PDXDC1: variants seen among roughly 807,000 people sequenced by gnomAD.
The protein encoded by PDXDC1 is pyridoxal dependent decarboxylase domain containing 1.
In PDXDC1, 42 loss-of-function variants were observed where a neutral mutation model predicts 100.1. The observed-to-expected ratio is 0.42, with a 90% CI of 0.33 to 0.54. The LOEUF (loss-of-function observed/expected upper bound fraction) is 0.54. PDXDC1 is among the 20% of genes least tolerant of loss of function. The pLI, the probability that PDXDC1 is intolerant of heterozygous loss-of-function variation, is 0.10. For synonymous variants in PDXDC1, 260 were observed against 371.7 expected (o/e 0.70, Z 3.46); for missense variants, 636 against 979.2 (o/e 0.65, Z 4.68).
intron 16 of PDXDC1, among the ~76,000 whole-genome samples, chr16:15,132,526 G>C (rs1190990333): frequency 6.6e-6 from 1 of 150,656 alleles, no homozygotes; most frequent in Non-Finnish European, 1.5e-5. Context: ...TCCCCCGAGA[G>C]GCACCCTGCG....
chr16:15,109,844 A>G (rs1467130130), intron 16 of PDXDC1, among the ~76,000 whole-genome samples: 1 of 132,804 alleles, frequency 7.5e-6, no homozygotes, highest in Non-Finnish European at 1.7e-5. Context: ...GCGAGACTCT[A>G]TCTCAAAATT....
intron 16 of PDXDC1, among the ~76,000 whole-genome samples, chr16:15,100,245 AT>A (rs1364486091): frequency 6.6e-6 from 1 of 152,122 alleles, no homozygotes; most frequent in Non-Finnish European, 1.5e-5. Flanking sequence ...CATGTATCTC[AT>A]TTGTCCTTTT....
intron 16 of PDXDC1, chr16:15,135,998 G>C (rs1191143166): frequency 6.5e-7 from 1 of 1,548,692 alleles, no homozygotes; most frequent in Admixed American, 1.8e-5. Context: ...CAGATGCAGT[G>C]CTCGGCTGTG....
rs565171540 is a variant in PDXDC1 at position 14,985,808 on chromosome 16, G to A, written c.21+10588G>A. Among the ~76,000 whole-genome samples, 34 of 152,390 alleles carry A rather than the reference G, an allele frequency of 2.2e-4. No individual in the cohort carries two copies. The East Asian group carries it at 3.3e-3, about 15-fold the overall frequency. On this transcript the variant is annotated intron_variant, in intron 1 of 22. Transcript: ENST00000396410. ...GATAAAAATCGCCTAGCATAAAAACGATTCTTGGCCAGGCACTGTGGCCCA... is the reference window on the plus strand; with the variant it reads ...GATAAAAATCGCCTAGCATAAAAACAATTCTTGGCCAGGCACTGTGGCCCA...
At chr16:15,019,983 G>T (rs1460259404) in intron 12 of PDXDC1, among the ~76,000 whole-genome samples, 16 of 152,300 alleles carry the variant, frequency 1.1e-4, no homozygotes, top group Non-Finnish European at 2.9e-5. Flanking sequence ...GTGGTGGCGG[G>T]CGCCTGTAGT....
chr16:14,984,625 G>A (rs1236577806), intron 1 of PDXDC1, among the ~76,000 whole-genome samples: 37 of 151,822 alleles, frequency 2.4e-4, no homozygotes, highest in African/African-American at 8.9e-4. Context: ...AGCCTCCTGA[G>A]TAGCTGGGGT....
rs573835073 is a variant in PDXDC1, at chr16:15,073,467, A to G, written c.1399+43411A>G. Among the ~76,000 whole-genome samples the G allele has an allele frequency of 8.5e-5, 13 of 152,326 alleles. No individual in the cohort carries two copies. In the East Asian group the frequency reaches 2.3e-3, roughly 27 times the overall value. Reference sequence around the variant, plus strand: ...AAGACCGTGGCTATTTAAAAAAAAAAGAAAGACAGACATTATCCATTAAAA... The same window carrying G: ...AAGACCGTGGCTATTTAAAAAAAAAGGAAAGACAGACATTATCCATTAAAA... On this transcript the variant is annotated intron_variant, in intron 16 of 16. Transcript: ENST00000535621.
At chr16:15,001,743 C>T in intron 3 of PDXDC1, 33 bp from the exon 4 acceptor site, 3 of 1,548,892 alleles carry the variant, frequency 1.9e-6, no homozygotes, top group Non-Finnish European at 2.6e-6. Flanking sequence ...GTGTGCTGTT[C>T]CCATCAGCCC....
chr16:15,039,651 T>TCTC (rs947024970), downstream of PDXDC1, among the ~76,000 whole-genome samples: 1 of 152,192 alleles, frequency 6.6e-6, no homozygotes, highest in African/African-American at 2.4e-5. Context: ...GCGTCCCAGT[T>TCTC]CTCCTCTCTT....
At chr16:15,041,736 T>C, downstream of PDXDC1, 2 of 1,279,332 alleles carry the variant, frequency 1.6e-6, no homozygotes, top group Non-Finnish European at 2.3e-6. Context: ...CAGAACAAAC[T>C]GCTGAGCAAG....
intron 1 of PDXDC1, among the ~76,000 whole-genome samples, chr16:14,986,196 G>C (rs1322997689): frequency 4.6e-5 from 7 of 152,276 alleles, no homozygotes; most frequent in Non-Finnish European, 1.0e-4. Flanking sequence ...GTTCTGGCTG[G>C]GTGCAGAGGC....
chr16:15,037,175 CAG>C lies in PDXDC1; in HGVS notation c.*902_*903del, dbSNP rs1384900866. ...CCTGGCAGCTCGCCTGGGCCCAACT[CAG>C]AAACAGGAGCCAGCAGAGCACTCTC... On this transcript the variant is annotated 3_prime_UTR_variant, in exon 23 of 23. Transcript: ENST00000396410. The C allele has an allele frequency of 6.6e-6, 1 of 152,240 alleles. No individual in the cohort carries two copies. Among genetic ancestry groups the C allele is most frequent in the Non-Finnish European group, 1.5e-5 (1 of 68,066 alleles). 9.4% of individuals were successfully genotyped at this position (152,240 alleles called of 1,614,324 possible).
At chr16:14,999,078 C>CT (rs1171901202) in intron 3 of PDXDC1, among the ~76,000 whole-genome samples, 2 of 152,278 alleles carry the variant, frequency 1.3e-5, no homozygotes, top group African/African-American at 4.8e-5. Flanking sequence ...GAGACACTCT[C>CT]TAATTTTGAG....
chr16:15,149,966 C>A, the PDXDC1 span, among the ~76,000 whole-genome samples: 1 of 152,158 alleles, frequency 6.6e-6, no homozygotes, highest in East Asian at 1.9e-4. Context: ...ACCCCCAAGA[C>A]ACAGCGAGAA....
chr16:15,015,863 G>A (rs2041754697), intron 8 of PDXDC1: 1 of 722,384 alleles, frequency 1.4e-6, no homozygotes, highest in Non-Finnish European at 2.1e-6. Flanking sequence ...TCATGAGTCA[G>A]CAGATCAAGT....
intron 8 of PDXDC1, among the ~76,000 whole-genome samples, 179 bp downstream of exon 8, chr16:15,009,938 G>A (rs1276349272): frequency 5.9e-5 from 9 of 152,288 alleles, no homozygotes; most frequent in Admixed American, 1.3e-4. Context: ...TTCTTTAATC[G>A]TTGGTTTGTT....
chr16:14,995,858 G>A (rs1971849647), intron 1 of PDXDC1, among the ~76,000 whole-genome samples: 1 of 152,264 alleles, frequency 6.6e-6, no homozygotes, highest in Non-Finnish European at 1.5e-5. Context: ...CTTCTTCCTG[G>A]TTTAGTCTTG....
At chr16:15,128,261 G>A (rs769288790) in intron 16 of PDXDC1, 1 of 1,611,174 alleles carries the variant, frequency 6.2e-7, no homozygotes, top group Non-Finnish European at 8.5e-7. Context: ...ACGCTACCCA[G>A]GCTGTGCGGG....
At position 15,102,452 on chromosome 16, in the gene PDXDC1, G is replaced by A. The variant is rs986778957; in HGVS notation, c.1400-36427G>A. Reference sequence around the variant, plus strand: ...CAGACATGAAGTTGCCCCAGGCAGAGGGTACAGTGTGGGCAAAGTCAGGAA... The same window carrying A: ...CAGACATGAAGTTGCCCCAGGCAGAAGGTACAGTGTGGGCAAAGTCAGGAA... On this transcript the variant is annotated intron_variant, in intron 16 of 16. Transcript: ENST00000535621. Among the ~76,000 whole-genome samples, 17 of 150,706 alleles carry A rather than the reference G, an allele frequency of 1.1e-4. No individual in the cohort carries two copies. In the East Asian group the frequency reaches 3.1e-3, roughly 28 times the overall value.
Sources: allele counts gnomAD v4.1 joint callset (sites outside exome capture counted in the v4.1 genomes callset), GRCh38; gene constraint gnomAD v4.1.1; transcripts MANE v1.5; gene names NCBI Gene and HGNC (gene_info 2026-07-23, HGNC 2026-07-21).